BRD10: variants seen among roughly 807,000 people sequenced by gnomAD.
The protein encoded by BRD10 is uncharacterized bromodomain-containing protein 10.
the BRD10 span, among the ~76,000 whole-genome samples, chr9:5,967,506 A>G: frequency 6.6e-6 from 1 of 152,088 alleles, no homozygotes; most frequent in Non-Finnish European, 1.5e-5. Flanking sequence ...TATTCCACAT[A>G]TTTTCTTGAT....
chr9:5,913,018 T>C, the BRD10 span, among the ~76,000 whole-genome samples: 1 of 152,220 alleles, frequency 6.6e-6, no homozygotes, highest in African/African-American at 2.4e-5. Context: ...TGGTGACTGA[T>C]GCTTAAGACA....
the BRD10 span, among the ~76,000 whole-genome samples, chr9:5,950,127 G>C: frequency 2.6e-5 from 4 of 152,150 alleles, no homozygotes; most frequent in African/African-American, 9.6e-5. Context: ...ACTATTACTT[G>C]GTTTTCCACT....
At chr9:5,971,048 G>T in the BRD10 span, among the ~76,000 whole-genome samples, 1 of 51,824 alleles carries the variant, frequency 1.9e-5, no homozygotes, top group African/African-American at 7.8e-5. Flanking sequence ...GCTAAGCAAC[G>T]TCTCAAAAAA....
chr9:5,894,027 C>T, the BRD10 span, among the ~76,000 whole-genome samples: 1 of 151,826 alleles, frequency 6.6e-6, no homozygotes. This position sits in a 1 kb window ranked among gnomAD's most constrained non-coding sequence, Gnocchi z 4.0. Context: ...GATTTAAATC[C>T]AGGTCTGTTT....
the BRD10 span, among the ~76,000 whole-genome samples, chr9:5,947,625 AT>A: frequency 6.6e-6 from 1 of 152,060 alleles, no homozygotes; most frequent in Admixed American, 6.6e-5. Context: ...CCTAATATAT[AT>A]ACCCAATATA....
the BRD10 span, among the ~76,000 whole-genome samples, chr9:5,992,096 T>C: frequency 6.6e-6 from 1 of 152,220 alleles, no homozygotes; most frequent in Non-Finnish European, 1.5e-5. Context: ...TAATAAACGA[T>C]ACCCTATCAC....
At chr9:5,920,234 G>A in the BRD10 span, 2 of 1,613,804 alleles carry the variant, frequency 1.2e-6, no homozygotes, top group East Asian at 2.2e-5. Flanking sequence ...AACTAAGGGG[G>A]CTCCATATTT....
At chr9:5,982,586 C>T in the BRD10 span, among the ~76,000 whole-genome samples, 578 of 152,290 alleles carry the variant, frequency 3.8e-3, 22 homozygotes, top group Admixed American at 0.035. Flanking sequence ...TGTGCAGTTT[C>T]GGGACTCTGC....
the BRD10 span, among the ~76,000 whole-genome samples, chr9:5,992,235 G>A: frequency 2.0e-5 from 3 of 152,134 alleles, no homozygotes; most frequent in African/African-American, 7.2e-5. Flanking sequence ...TTTTGTTAAT[G>A]ACTGTCATCA....
At chr9:5,927,829 C>T in the BRD10 span, among the ~76,000 whole-genome samples, 1 of 152,124 alleles carries the variant, frequency 6.6e-6, no homozygotes, top group Non-Finnish European at 1.5e-5. Flanking sequence ...CTAATGCTCG[C>T]TTTTCTTTTC....
At chr9:6,003,197 T>C in the BRD10 span, among the ~76,000 whole-genome samples, 55 of 152,324 alleles carry the variant, frequency 3.6e-4, no homozygotes, top group East Asian at 0.011. Context: ...ATGGCAAAAT[T>C]AAAAATTTAA....
At chr9:5,914,234 G>A in the BRD10 span, among the ~76,000 whole-genome samples, 1 of 152,024 alleles carries the variant, frequency 6.6e-6, no homozygotes, top group Non-Finnish European at 1.5e-5. Context: ...CACTAGGTTT[G>A]GTTCAGGTTT....
the BRD10 span, among the ~76,000 whole-genome samples, chr9:5,943,755 T>A: frequency 6.6e-6 from 1 of 152,184 alleles, no homozygotes; most frequent in African/African-American, 2.4e-5. Flanking sequence ...CTTTTCCACA[T>A]TCTCAAGTTA....
At chr9:5,943,219 T>A in the BRD10 span, among the ~76,000 whole-genome samples, 1 of 152,196 alleles carries the variant, frequency 6.6e-6, no homozygotes, top group South Asian at 2.1e-4. Context: ...ACAGTACCAA[T>A]GGAAATGAGG....
the BRD10 span, among the ~76,000 whole-genome samples, chr9:5,992,418 C>T: frequency 6.6e-6 from 1 of 152,124 alleles, no homozygotes; most frequent in African/African-American, 2.4e-5. Context: ...TTACTATCTA[C>T]TTGAGTTCCA....
the BRD10 span, among the ~76,000 whole-genome samples, chr9:5,953,682 T>TTATA: frequency 1.3e-5 from 2 of 151,214 alleles, no homozygotes; most frequent in Admixed American, 1.3e-4. Context: ...CTTTTATGTA[T>TTATA]TATATATATA....
the BRD10 span, among the ~76,000 whole-genome samples, chr9:5,903,946 T>A: frequency 6.6e-6 from 1 of 151,662 alleles, no homozygotes; most frequent in African/African-American, 2.4e-5. Context: ...CAACCTCCAC[T>A]TCCTGGGTTC....
At chr9:5,916,515 A>G in the BRD10 span, among the ~76,000 whole-genome samples, 1 of 141,842 alleles carries the variant, frequency 7.1e-6, no homozygotes, top group African/African-American at 2.6e-5. Flanking sequence ...GTGTATATAT[A>G]CATATGTGTG....
the BRD10 span, chr9:6,007,873 C>T: frequency 2.2e-6 from 3 of 1,370,162 alleles, no homozygotes; most frequent in East Asian, 3.0e-5. Context: ...CCTCACGGCT[C>T]GGCCGCGGCG....
Sources: gnomAD v4.1 joint callset for allele counts (sites outside exome capture counted in the v4.1 genomes callset) on GRCh38, gnomAD v4.1.1 for gene constraint, Gnocchi (gnomAD v3.1) non-coding constraint, MANE v1.5 for transcripts, NCBI Gene and HGNC (gene_info 2026-07-23, HGNC 2026-07-21) for gene names.